The following MAD1L1 variants were observed in gnomAD, a reference collection of about 807,000 sequenced individuals.
MAD1L1 encodes the protein mitotic arrest deficient 1 like 1, also known as mitotic spindle assembly checkpoint protein MAD1.
In MAD1L1, 95 loss-of-function variants were observed where a neutral mutation model predicts 96.9. The ratio of observed to expected loss-of-function variants is 0.98; its 90% CI spans 0.83 to 1.16. MAD1L1 has a LOEUF of 1.16. MAD1L1 is among the 50% of genes most tolerant of loss of function. MAD1L1 has a pLI of 0.00. For missense variants in MAD1L1, 1,007 were observed against 954.4 expected (o/e 1.06, Z -0.73); for synonymous variants, 473 against 396.6 (o/e 1.19, Z -2.29).
chr7:2,193,970 T>G (rs1791858555), intron 10 of MAD1L1, among the ~76,000 whole-genome samples: 1 of 91,280 alleles, frequency 1.1e-5, no homozygotes. Flanking sequence ...TTGAGTCGGG[T>G]TCTTGCTCTA....
At chr7:1,995,202 T>G (rs892328208) in intron 14 of MAD1L1, among the ~76,000 whole-genome samples, 2 of 152,072 alleles carry the variant, frequency 1.3e-5, no homozygotes, top group African/African-American at 4.8e-5. Flanking sequence ...CCTTCCACTC[T>G]GTGGAGAAGC....
intron 11 of MAD1L1, among the ~76,000 whole-genome samples, chr7:2,132,610 T>C (rs1788572812): frequency 6.6e-6 from 1 of 152,222 alleles, no homozygotes; most frequent in South Asian, 2.1e-4. Flanking sequence ...CAGTTCTGCC[T>C]TTTCCAGAAT....
intron 10 of MAD1L1, among the ~76,000 whole-genome samples, chr7:2,150,817 C>A (rs6461188): frequency 9.9e-5 from 15 of 152,188 alleles, no homozygotes; most frequent in African/African-American, 3.4e-4. Flanking sequence ...CTCCCTTCCA[C>A]GTCCCCCAGA....
intron 16 of MAD1L1, among the ~76,000 whole-genome samples, chr7:1,947,286 A>G (rs1334910156): frequency 6.6e-6 from 1 of 152,170 alleles, no homozygotes; most frequent in East Asian, 1.9e-4. Context: ...CCCAGGCAAT[A>G]CTTGGGGAGG....
intron 10 of MAD1L1, among the ~76,000 whole-genome samples, chr7:2,190,784 G>GA (rs1791681913): frequency 6.6e-6 from 1 of 152,222 alleles, no homozygotes; most frequent in Non-Finnish European, 1.5e-5. Flanking sequence ...TGGCTAAAGT[G>GA]AAGGTGGCCA....
At chr7:1,920,406 G>T (rs550863458) in intron 17 of MAD1L1, among the ~76,000 whole-genome samples, 1 of 152,232 alleles carries the variant, frequency 6.6e-6, no homozygotes, top group Non-Finnish European at 1.5e-5. Flanking sequence ...CTCGGCTGCC[G>T]TGGCAGCCTC....
intron 18 of MAD1L1, among the ~76,000 whole-genome samples, chr7:1,892,874 CT>C: frequency 6.6e-6 from 1 of 152,216 alleles, no homozygotes; most frequent in African/African-American, 2.4e-5. Flanking sequence ...ACTGCATTTG[CT>C]CTGTGTCCCC....
rs561119690 is a variant in MAD1L1 at position 1,946,341 on chromosome 7, G to C, written c.1597-9444C>G. 2.8e-3 allele frequency among the ~76,000 whole-genome samples: 419 copies of C among 152,308 alleles called. 2 individuals are homozygous for C. Among genetic ancestry groups the C allele is most frequent in the African/African-American group, 9.7e-3 (402 of 41,574 alleles). ...GAGCACTGTGTGTGCCAGCAAGCAG[G>C]AGCACCGTTGGGGGCTGGCACCACT... On this transcript the variant is annotated intron_variant, in intron 16 of 18. Transcript: ENST00000265854.
At chr7:2,223,296 A>T (rs1056741918) in intron 4 of MAD1L1, among the ~76,000 whole-genome samples, 1 of 152,170 alleles carries the variant, frequency 6.6e-6, no homozygotes, top group Non-Finnish European at 1.5e-5. Flanking sequence ...ACAAACCTCC[A>T]GACCCACCCC....
intron 17 of MAD1L1, among the ~76,000 whole-genome samples, chr7:1,907,410 A>G (rs1787729309): frequency 6.6e-6 from 1 of 152,254 alleles, no homozygotes; most frequent in Non-Finnish European, 1.5e-5. Flanking sequence ...ACAATGAATC[A>G]AATACAGTTA....
At chr7:1,835,258 G>A (rs181310194) in intron 18 of MAD1L1, among the ~76,000 whole-genome samples, 191 of 152,290 alleles carry the variant, frequency 1.3e-3, no homozygotes, top group Middle Eastern at 3.4e-3. Flanking sequence ...TCTGAAACAG[G>A]ACAAGGATGT....
chr7:2,038,660 G>A (rs994513854), intron 12 of MAD1L1, among the ~76,000 whole-genome samples: 2 of 151,744 alleles, frequency 1.3e-5, no homozygotes, highest in East Asian at 3.9e-4. Context: ...TTACAAGTGT[G>A]TGCCACCACG....
intron 12 of MAD1L1, among the ~76,000 whole-genome samples, chr7:2,047,094 CT>C (rs2128514866): frequency 6.6e-6 from 1 of 152,340 alleles, no homozygotes; most frequent in Non-Finnish European, 1.5e-5. Context: ...GGCAAACAGT[CT>C]TCGGCTAAGG....
intron 12 of MAD1L1, among the ~76,000 whole-genome samples, chr7:2,065,211 G>A (rs1455972700): frequency 3.9e-5 from 6 of 152,164 alleles, no homozygotes; most frequent in Admixed American, 2.6e-4. Flanking sequence ...AGCAGCCCCC[G>A]CCTTCTTGGG....
chr7:1,957,754 A>G, intron 15 of MAD1L1, 35 bp from the exon 16 acceptor site: 3 of 1,605,532 alleles, frequency 1.9e-6, no homozygotes, highest in Non-Finnish European at 2.6e-6. Flanking sequence ...CAGGTGTCCG[A>G]GGCCAGCCAT....
At chr7:2,031,948 G>A (rs1203461619) in intron 12 of MAD1L1, among the ~76,000 whole-genome samples, 1 of 152,252 alleles carries the variant, frequency 6.6e-6, no homozygotes, top group Non-Finnish European at 1.5e-5. Context: ...GGCCTCCAGC[G>A]TTCCTATCAG....
chr7:2,007,462 A>T (rs1168416857), intron 13 of MAD1L1, among the ~76,000 whole-genome samples: 1 of 152,094 alleles, frequency 6.6e-6, no homozygotes, highest in Non-Finnish European at 1.5e-5. Flanking sequence ...CGGGTGGATC[A>T]CCTGAAGTCA....
At chr7:2,008,592 G>GGGCTGAC (rs1268904072) in intron 13 of MAD1L1, among the ~76,000 whole-genome samples, 9 of 152,212 alleles carry the variant, frequency 5.9e-5, no homozygotes, top group African/African-American at 2.2e-4. Context: ...GGTGGGGGCT[G>GGGCTGAC]GGCTGACGGC....
At chr7:2,074,379 G>A (rs887787157) in intron 11 of MAD1L1, among the ~76,000 whole-genome samples, 2 of 152,052 alleles carry the variant, frequency 1.3e-5, no homozygotes, top group African/African-American at 2.4e-5. Context: ...GTGGGAACAC[G>A]GGGCAGAGGC....
Sources: gnomAD v4.1 joint callset for allele counts (sites outside exome capture counted in the v4.1 genomes callset) on GRCh38, gnomAD v4.1.1 for gene constraint, MANE v1.5 for transcripts, NCBI Gene and HGNC (gene_info 2026-07-23, HGNC 2026-07-21) for gene names.